The following UNC45A variants were observed in gnomAD, a reference collection of about 807,000 sequenced individuals.
UNC45A encodes protein unc-45 homolog A.
UNC45A carries 78 observed loss-of-function variants against 103.2 expected under a neutral mutation model. The ratio of observed to expected loss-of-function variants is 0.76; its 90% CI spans 0.63 to 0.91. UNC45A has a LOEUF of 0.91. UNC45A is among the 40% of genes least tolerant of loss of function. The pLI is 0.00. For missense variants in UNC45A, 1,193 were observed against 1,224.8 expected, an observed-to-expected ratio of 0.97 and a Z score of 0.39; for synonymous variants, 495 against 504.6, an observed-to-expected ratio of 0.98 and a Z score of 0.25.
intron 6 of UNC45A, among the ~76,000 whole-genome samples, chr15:90,941,643 T>G (rs945757370): frequency 3.9e-5 from 6 of 152,046 alleles, no homozygotes; most frequent in African/African-American, 1.4e-4. Flanking sequence ...AAGCAGGCCT[T>G]CTAGGGTTCT....
rs2036653418 is a variant in UNC45A, at chr15:90,947,856, G to A, written c.1561G>A (p.Gly521Ser). The change falls in exon 11 of 20, where the codon GGC (glycine) becomes AGC (serine). Residue 521 changes from glycine to serine, a missense_variant. Transcript: ENST00000418476. Reference protein sequence around the residue: ...TDFSMKQFAEGSTLKLAKQCR... With the variant: ...TDFSMKQFAESSTLKLAKQCR... Reference sequence around the variant, plus strand: ...CTTCAGCATGAAGCAGTTTGCTGAAGGCTCCACTCTCAAACTGGCTAAGCA... The same window carrying A: ...CTTCAGCATGAAGCAGTTTGCTGAAAGCTCCACTCTCAAACTGGCTAAGCA... The A allele has an allele frequency of 7.4e-6, 12 of 1,614,086 alleles. No homozygotes were observed. The highest frequency in any genetic ancestry group is 1.6e-4 in the Middle Eastern group (1 of 6,062).
At chr15:90,940,583 A>G in intron 6 of UNC45A, 110 bp downstream of exon 6, 1 of 1,403,970 alleles carries the variant, frequency 7.1e-7, no homozygotes, top group East Asian at 2.4e-5. Flanking sequence ...CCATCCATCC[A>G]TCCACTCTTC....
Position 90,946,726 on chromosome 15 carries a change from G to A in UNC45A, c.1312G>A (p.Val438Ile). ...CAACCGGGCCTTGGAGCTGAGCGGT[G>A]TCATGGAGAGTGTGATTGCTCTGTG... Reference protein sequence around the residue: ...AGNRALELSGVMESVIALCAS... With the variant: ...AGNRALELSGIMESVIALCAS... The change falls in exon 10 of 20, where the codon GTC becomes ATC. Residue 438 changes from valine (V) to isoleucine (I), a missense_variant. Physicochemically the swap from Val to Ile is conservative, Grantham distance 29 (BLOSUM62 3). Coordinates refer to ENST00000418476, the MANE Select transcript of UNC45A (RefSeq NM_018671.5). 2.5e-6 allele frequency: 4 copies of A among 1,613,724 alleles called. No individual in the cohort carries two copies. Among genetic ancestry groups the A allele is most frequent in the South Asian group, 1.1e-5 (1 of 91,060 alleles).
chr15:90,932,395 G>A, upstream of UNC45A: 1 of 1,261,910 alleles, frequency 7.9e-7, no homozygotes, highest in African/African-American at 1.6e-5. Flanking sequence ...CCACCCAGGT[G>A]CCGCAGCCGG....
chr15:90,950,094 C>T, intron 15 of UNC45A, 60 bp from the exon 16 acceptor site: 2 of 1,503,502 alleles, frequency 1.3e-6, no homozygotes, highest in East Asian at 2.5e-5. Context: ...GCTGGGGAGC[C>T]CGATGGTCGG....
In UNC45A at chr15:90,946,810, G is replaced by A. The variant is rs766977250; in HGVS notation, c.1396G>A (p.Gly466Ser). Residue 466 changes from glycine to serine, a missense_variant, in exon 10 of 20, where the codon GGC becomes AGC. Gly to Ser is a moderately conservative substitution (Grantham distance 56). Coordinates refer to ENST00000418476, the MANE Select transcript of UNC45A (RefSeq NM_018671.5). ...VAVEALIHAA[G>S]KAKRASFITA... ...CGTGGAGGCTCTGATCCATGCAGCCGGCAAGGCTAAGCGGGCCTCATTCAT... is the reference window on the plus strand; with the variant it reads ...CGTGGAGGCTCTGATCCATGCAGCCAGCAAGGCTAAGCGGGCCTCATTCAT... 26 of 1,614,234 alleles carry A rather than the reference G, an allele frequency of 1.6e-5. No homozygotes were observed. The highest frequency in any genetic ancestry group is 6.6e-5 in the South Asian group (6 of 91,084).
chr15:90,953,702 C>G lies in UNC45A; in HGVS notation c.2821C>G (p.Gln941Glu), dbSNP rs751951586. 8 of 1,613,748 alleles carry G rather than the reference C, an allele frequency of 5.0e-6. No individual in the cohort carries two copies. In the East Asian group the frequency reaches 1.8e-4, roughly 36 times the overall value. ...GGAATATGGGCTTATCCAACCCAAC[C>G]AAGATGGAGAGTGAGGGGGTTGTCC... ...AVEYGLIQPN[Q>E]DGE Residue 941 changes from glutamine (Q) to glutamate (E), a missense_variant, in exon 20 of 20, where the codon CAA (glutamine) becomes GAA (glutamate). Physicochemically the swap from Gln to Glu is conservative, Grantham distance 29 (BLOSUM62 2). Transcript: ENST00000418476.
At chr15:90,935,103 C>G (rs951800031), upstream of UNC45A, 1 of 592,568 alleles carries the variant, frequency 1.7e-6, no homozygotes, top group Non-Finnish European at 3.0e-6. Flanking sequence ...CCCTGCAGGT[C>G]TCTGCGGGGA....
chr15:90,932,300 G>A (rs556870351), upstream of UNC45A: 9 of 813,688 alleles, frequency 1.1e-5, no homozygotes, highest in Admixed American at 3.1e-5. Context: ...TTGTTATGAG[G>A]CTTAAACGGT....
intron 17 of UNC45A, 76 bp from the exon 18 acceptor site, chr15:90,952,853 A>G: frequency 7.2e-7 from 1 of 1,385,616 alleles, no homozygotes; most frequent in Admixed American, 1.9e-5. Context: ...AACATTGGGG[A>G]TTATAGTTCA....
intron 10 of UNC45A, 179 bp downstream of exon 10, chr15:90,947,093 G>C (rs1305712722): frequency 1.4e-6 from 1 of 692,140 alleles, no homozygotes; most frequent in Non-Finnish European, 2.4e-6. Context: ...GGAGGCTGAG[G>C]CAGGAGGATC....
rs1214643720 is a variant in UNC45A at position 90,953,503 on chromosome 15, C to T, written c.2622C>T (p.Ser874=). 1.2e-6 allele frequency: 2 copies of T among 1,613,994 alleles called. No homozygotes were observed. The highest frequency in any genetic ancestry group is 1.7e-6 in the Non-Finnish European group (2 of 1,180,052). The part of the protein sequence containing the change: ...LEILQALLLS[S]NQELQHRGAV... The stretch of plus-strand genomic sequence containing the variant: ...TCCTGCAGGCCCTGCTTCTGAGCTC[C>T]AACCAGGAGCTGCAGCACCGGGGTG... Residue 874 remains serine, a synonymous_variant, in exon 20 of 20, where the codon TCC becomes TCT. Coordinates refer to ENST00000418476, the MANE Select transcript of UNC45A (RefSeq NM_018671.5).
In UNC45A at chr15:90,936,353, C is replaced by T. The variant is rs748799860; in HGVS notation, c.319C>T (p.Arg107Cys). ...RRSQALEKLG[R>C]LDQAVLDLQR... ...GAGCCAAGCCCTAGAGAAGCTGGGC[C>T]GCCTGGACCAGGCTGTCCTTGACCT... Residue 107 changes from arginine to cysteine, a missense_variant, in exon 4 of 20, where the codon CGC becomes TGC. Arg to Cys is a radical substitution (Grantham distance 180). Coordinates refer to ENST00000418476, the MANE Select transcript of UNC45A (RefSeq NM_018671.5). The T allele has an allele frequency of 9.9e-6, 16 of 1,614,078 alleles. No individual in the cohort carries two copies. Among genetic ancestry groups the T allele is most frequent in the South Asian group, 2.2e-5 (2 of 91,092 alleles).
intron 11 of UNC45A, 106 bp from the exon 12 acceptor site, chr15:90,948,036 T>C (rs1305023922): frequency 4.5e-6 from 7 of 1,551,450 alleles, no homozygotes; most frequent in Non-Finnish European, 6.1e-6. Context: ...GAACTGCTTC[T>C]GTACATTGAG....
In UNC45A at chr15:90,950,174, G is replaced by A. The variant is rs1343479240; in HGVS notation, c.2094G>A (p.Leu698=). Reference sequence around the variant, plus strand: ...TACAGGCGCTGATCCCGCTGGCCCTGGAAGGCACGGACGTGGGGCAGACAA... The same window carrying A: ...TACAGGCGCTGATCCCGCTGGCCCTAGAAGGCACGGACGTGGGGCAGACAA... ...GGGRALIPLA[L]EGTDVGQTKA... The change falls in exon 16 of 20, where the codon CTG becomes CTA. Residue 698 remains leucine, a synonymous_variant. Transcript: ENST00000418476. 6.4e-7 allele frequency: 1 copy of A among 1,551,636 alleles called. No individual in the cohort carries two copies. Among genetic ancestry groups the A allele is most frequent in the Admixed American group, 2.0e-5 (1 of 51,008 alleles).
intron 2 of UNC45A, 98 bp downstream of exon 2, chr15:90,935,803 C>A (rs933244751): frequency 4.6e-6 from 7 of 1,529,700 alleles, no homozygotes; most frequent in Non-Finnish European, 6.2e-6. Flanking sequence ...CGCTCCCAGG[C>A]CATCCCCGCT....
rs774643322 is a variant in UNC45A at position 90,946,917 on chromosome 15, G to C, written c.1500+3G>C. On this transcript the variant is annotated splice_donor_region_variant and intron_variant, in intron 10 of 19. Transcript: ENST00000418476. The stretch of plus-strand genomic sequence containing the variant: ...GCATCCGCATCCGGGCGCTAGTGGT[G>C]AGACGGTGGGCCTGGGGTGGGTGGG... 1.3e-6 allele frequency: 2 copies of C among 1,488,026 alleles called. No individual in the cohort carries two copies. Among genetic ancestry groups the C allele is most frequent in the South Asian group, 1.1e-5 (1 of 87,958 alleles). 92.2% of individuals were successfully genotyped at this position (1,488,026 alleles called of 1,614,324 possible).
In UNC45A at chr15:90,953,479, C is replaced by A; in HGVS notation, c.2598C>A (p.Ile866=). The A allele has an allele frequency of 1.2e-6, 2 of 1,613,878 alleles. No homozygotes were observed. Among genetic ancestry groups the A allele is most frequent in the Non-Finnish European group, 1.7e-6 (2 of 1,180,032 alleles). Residue 866 remains isoleucine (I), a synonymous_variant, in exon 20 of 20, where the codon ATC becomes ATA. Transcript: ENST00000418476. Reference sequence around the variant, plus strand: ...CACAGACCACACACTGGCTGGAGATCCTGCAGGCCCTGCTTCTGAGCTCCA... The same window carrying A: ...CACAGACCACACACTGGCTGGAGATACTGCAGGCCCTGCTTCTGAGCTCCA... ...IPQVTTHWLE[I]LQALLLSSNQ...
At chr15:90,939,087 C>T (rs984001630) in intron 4 of UNC45A, among the ~76,000 whole-genome samples, 1 of 151,996 alleles carries the variant, frequency 6.6e-6, no homozygotes, top group Non-Finnish European at 1.5e-5. Flanking sequence ...TCAAGTGATT[C>T]TCCTGCCTCA....
Sources: allele counts gnomAD v4.1 joint callset (sites outside exome capture counted in the v4.1 genomes callset), GRCh38; gene constraint gnomAD v4.1.1; transcripts MANE v1.5; gene names NCBI Gene and HGNC (gene_info 2026-07-23, HGNC 2026-07-21).